The following ERGIC2 variants were observed in gnomAD, a reference collection of about 807,000 sequenced individuals.
The protein encoded by ERGIC2 is endoplasmic reticulum-Golgi intermediate compartment protein 2.
In ERGIC2, 31 loss-of-function variants were observed where a neutral mutation model predicts 52.5. The observed-to-expected ratio is 0.59, with a 90% CI of 0.44 to 0.80. The LOEUF is 0.80. Among genes scored for constraint, ERGIC2 ranks in the 30% least tolerant of loss-of-function variants. The pLI, the probability that ERGIC2 is intolerant of heterozygous loss-of-function variation, is 0.00. For missense variants in ERGIC2, 395 were observed against 455.2 expected (o/e 0.87, Z 1.20); for synonymous variants, 129 against 140.6 (o/e 0.92, Z 0.58).
rs577307863 is a variant in ERGIC2 at position 29,365,937 on chromosome 12, A to T, written c.333+940T>A. Among the ~76,000 whole-genome samples, 652 of 152,118 alleles carry T rather than the reference A, an allele frequency of 4.3e-3. 1 individual carries two copies. Among genetic ancestry groups the T allele is most frequent in the Admixed American group, 7.0e-3 (107 of 15,250 alleles). ...ACTGTTTCTGTAGAAATTTCTATTTAAAATGTATATGTCAAAAGGCACATA... is the reference window on the plus strand; with the variant it reads ...ACTGTTTCTGTAGAAATTTCTATTTTAAATGTATATGTCAAAAGGCACATA... On this transcript the variant is annotated intron_variant, in intron 5 of 13. Coordinates refer to ENST00000360150, the MANE Select transcript of ERGIC2 (RefSeq NM_016570.3).
At chr12:29,378,216 A>G (rs1248603533) in intron 1 of ERGIC2, among the ~76,000 whole-genome samples, 3 of 152,242 alleles carry the variant, frequency 2.0e-5, no homozygotes, top group South Asian at 4.1e-4. Flanking sequence ...ATGTGAAAAC[A>G]AAGGCAGAGA....
intron 10 of ERGIC2, 120 bp downstream of exon 10, chr12:29,348,959 C>G: frequency 1.8e-6 from 1 of 542,268 alleles, no homozygotes; most frequent in Non-Finnish European, 3.2e-6. Flanking sequence ...ATCTCAATCA[C>G]CAACCACTTA....
At chr12:29,371,781 C>T (rs561738748) in intron 1 of ERGIC2, 111 bp from the exon 2 acceptor site, 1 of 566,778 alleles carries the variant, frequency 1.8e-6, no homozygotes, top group African/African-American at 1.9e-5. Context: ...CATTCTCATC[C>T]CCCCTTAAAA....
intron 9 of ERGIC2, among the ~76,000 whole-genome samples, chr12:29,349,743 C>T (rs772811024): frequency 3.9e-5 from 6 of 151,914 alleles, no homozygotes; most frequent in Non-Finnish European, 8.8e-5. Context: ...AAATAAACTG[C>T]AAATATATTA....
chr12:29,353,731 T>TC (rs61178193), intron 8 of ERGIC2, among the ~76,000 whole-genome samples: 7 of 131,700 alleles, frequency 5.3e-5, no homozygotes, highest in South Asian at 2.7e-4. Context: ...ATTTCCTTCT[T>TC]TTTTTTTTTG....
At chr12:29,374,823 A>G (rs1940493069) in intron 1 of ERGIC2, among the ~76,000 whole-genome samples, 1 of 152,122 alleles carries the variant, frequency 6.6e-6, no homozygotes, top group Non-Finnish European at 1.5e-5. Context: ...TTGCTTCAAC[A>G]ACCTCTAATC....
chr12:29,350,037 A>C lies in ERGIC2; in HGVS notation c.604T>G (p.Leu202Val), dbSNP rs762583077. 8 of 1,608,346 alleles carry C rather than the reference A, an allele frequency of 5.0e-6. No homozygotes were observed. In the African/African-American group the frequency reaches 6.7e-5, roughly 13 times the overall value. ...CATTCATGGTTGACAAGTGCTGCCA[A>C]ATGTGCATGACCACGAGGATGTGGA... ...AIPHPRGHAH[L>V]AALVNHESYN... The change falls in exon 9 of 14, where the codon TTG (leucine) becomes GTG (valine). Residue 202 changes from leucine (L) to valine (V), a missense_variant. Physicochemically the swap from Leu to Val is conservative, Grantham distance 32. Transcript: ENST00000360150.
Position 29,361,663 on chromosome 12 carries a change from T to G in ERGIC2, c.356A>C (p.Gln119Pro). Residue 119 changes from glutamine (Q) to proline (P), a missense_variant, in exon 6 of 14, where the codon CAG becomes CCG. Transcript: ENST00000360150. ...TTATTACCTCTGCCACTCTTTCTGC[T>G]GTGGTGAAAGATCAAATACTGTCTG... ...YEPTVFDLSP[Q>P]QKEWQRMLQL... 4.4e-6 allele frequency: 7 copies of G among 1,606,280 alleles called. No individual in the cohort carries two copies. The highest frequency in any genetic ancestry group is 6.0e-6 in the Non-Finnish European group (7 of 1,176,240).
intron 5 of ERGIC2, among the ~76,000 whole-genome samples, chr12:29,364,275 C>A (rs1225219965): frequency 6.6e-6 from 1 of 152,082 alleles, no homozygotes; most frequent in East Asian, 1.9e-4. Flanking sequence ...CCCCCCTCAA[C>A]AGAATGGAGA....
Position 29,343,167 on chromosome 12 carries a change from A to C in ERGIC2, c.941T>G (p.Phe314Cys). ...VTEEHMPFWQ[F>C]FVRLCGIVGG... ...AACAATACCACAGAGTCTTACAAAA[A>C]ACTGCCAGAATGGCATGTGCTCCTC... The change falls in exon 12 of 14, where the codon TTT becomes TGT. Residue 314 changes from phenylalanine to cysteine, a missense_variant. Physicochemically the swap from Phe to Cys is radical, Grantham distance 205 (BLOSUM62 -2). Coordinates refer to ENST00000360150, the MANE Select transcript of ERGIC2 (RefSeq NM_016570.3). 6.2e-7 allele frequency: 1 copy of C among 1,611,670 alleles called. No individual in the cohort carries two copies. Among genetic ancestry groups the C allele is most frequent in the Non-Finnish European group, 8.5e-7 (1 of 1,178,474 alleles).
At chr12:29,365,820 G>A (rs1016170895) in intron 5 of ERGIC2, among the ~76,000 whole-genome samples, 7 of 151,902 alleles carry the variant, frequency 4.6e-5, no homozygotes, top group Admixed American at 2.0e-4. Flanking sequence ...AATCTGTAAG[G>A]TAACTAAGCT....
chr12:29,341,045 T>C lies in ERGIC2; in HGVS notation c.*111A>G. The C allele has an allele frequency of 1.3e-6, 1 of 793,536 alleles. No homozygotes were observed. Among genetic ancestry groups the C allele is most frequent in the Non-Finnish European group, 2.1e-6 (1 of 487,344 alleles). The allele number at this position is 793,536 out of a possible 1,614,324, so 49.2% of individuals were successfully genotyped here. ...TTTTTTCTTTTTTAAAATAAGTATG[T>C]TTTCTGCTTATTTGTGTTTTCTTTT... On this transcript the variant is annotated 3_prime_UTR_variant, in exon 14 of 14. Transcript: ENST00000360150.
intron 6 of ERGIC2, among the ~76,000 whole-genome samples, chr12:29,358,883 C>G (rs191663602): frequency 6.6e-6 from 1 of 152,120 alleles, no homozygotes; most frequent in East Asian, 1.9e-4. Context: ...AAAATAACAA[C>G]TCATATTTAT....
intron 5 of ERGIC2, among the ~76,000 whole-genome samples, chr12:29,363,673 A>G (rs1940316056): frequency 6.6e-6 from 1 of 152,076 alleles, no homozygotes; most frequent in African/African-American, 2.4e-5. Flanking sequence ...TAATTCTAAC[A>G]TATCACTATT....
At chr12:29,368,152 T>C (rs1416724498) in intron 4 of ERGIC2, 89 bp downstream of exon 4, 3 of 805,102 alleles carry the variant, frequency 3.7e-6, no homozygotes, top group Non-Finnish European at 6.3e-6. Flanking sequence ...AAAGGAAAAA[T>C]AAAGTACAAC....
intron 5 of ERGIC2, among the ~76,000 whole-genome samples, chr12:29,362,999 C>T (rs138750170): frequency 1.3e-3 from 194 of 152,292 alleles, no homozygotes; most frequent in African/African-American, 4.6e-3. Context: ...GTTTACTTAG[C>T]ACAAAGGTAT....
intron 6 of ERGIC2, among the ~76,000 whole-genome samples, chr12:29,358,930 G>C (rs12300829): frequency 6.6e-6 from 1 of 151,888 alleles, no homozygotes; most frequent in Admixed American, 6.6e-5. Context: ...CTGAAATCTC[G>C]ACATAAAAAG....
At chr12:29,362,595 CA>C (rs11289079) in intron 5 of ERGIC2, among the ~76,000 whole-genome samples, 44,498 of 136,940 alleles carry the variant, frequency 0.32, 6,568 homozygotes, top group East Asian at 0.37. Flanking sequence ...AACTCCGTTT[CA>C]AAAAAAAAAA....
chr12:29,365,933 A>G (rs1217839099), intron 5 of ERGIC2, among the ~76,000 whole-genome samples: 1 of 151,954 alleles, frequency 6.6e-6, no homozygotes, highest in Non-Finnish European at 1.5e-5. Flanking sequence ...AGAAATTTCT[A>G]TTTAAAATGT....
Sources: allele counts gnomAD v4.1 joint callset (sites outside exome capture counted in the v4.1 genomes callset), GRCh38; gene constraint gnomAD v4.1.1; transcripts MANE v1.5; gene names NCBI Gene and HGNC (gene_info 2026-07-23, HGNC 2026-07-21).